TIAM1: variants seen among roughly 807,000 people sequenced by gnomAD.
The protein encoded by TIAM1 is TIAM Rac1 associated GEF 1.
In TIAM1, 65 loss-of-function variants were observed where a neutral mutation model predicts 163.5. The ratio of observed to expected loss-of-function variants is 0.40; its 90% CI spans 0.33 to 0.49. The LOEUF (loss-of-function observed/expected upper bound fraction) is 0.49, where lower values mean the gene tolerates loss of function less well. Among genes scored for constraint, TIAM1 ranks in the 20% least tolerant of loss-of-function variants. The probability of loss-of-function intolerance (pLI) is 0.77; values close to 1 mark genes in which losing one functional copy is unlikely to be tolerated. For synonymous variants in TIAM1, 833 were observed against 810.1 expected (o/e 1.03, Z -0.48); for missense variants, 1,789 against 2,044.7 (o/e 0.87, Z 2.41).
intron 6 of TIAM1, among the ~76,000 whole-genome samples, chr21:31,243,771 A>G (rs369678526): frequency 2.6e-4 from 39 of 152,382 alleles, no homozygotes; most frequent in African/African-American, 9.1e-4. Context: ...GGAGCCTCAT[A>G]GGATAAACAG....
At chr21:31,428,748 T>C (rs768137160) in intron 2 of TIAM1, among the ~76,000 whole-genome samples, 1 of 151,768 alleles carries the variant, frequency 6.6e-6, no homozygotes, top group Non-Finnish European at 1.5e-5. Context: ...CCAGGCATAA[T>C]GGCACATGCC....
intron 1 of TIAM1, among the ~76,000 whole-genome samples, chr21:31,548,171 G>A (rs957337433): frequency 1.7e-5 from 2 of 120,648 alleles, no homozygotes; most frequent in Admixed American, 1.1e-4. Context: ...AGAGAGTCCC[G>A]CTGTGTCACC....
chr21:31,232,861 G>C lies in TIAM1; in HGVS notation c.1585-6911C>G, dbSNP rs2088517683. Among the ~76,000 whole-genome samples the C allele has an allele frequency of 2.6e-5, 4 of 151,940 alleles. No homozygotes were observed. The South Asian group carries it at 8.3e-4, about 31-fold the overall frequency. On this transcript the variant is annotated intron_variant, in intron 6 of 27. Coordinates refer to ENST00000541036, the MANE Select transcript of TIAM1 (RefSeq NM_001353694.2). ...ACAAACAGCAGCAGACAGGTAAAGA[G>C]AGAGGGAATTCTGTGATTCTTCCTT...
chr21:31,324,174 G>C (rs369129407), intron 2 of TIAM1, among the ~76,000 whole-genome samples: 1 of 152,072 alleles, frequency 6.6e-6, no homozygotes, highest in Admixed American at 6.6e-5. Context: ...GACTGCGTGC[G>C]TGGAAAAGTT....
At chr21:31,332,759 G>C (rs1347597120) in intron 2 of TIAM1, among the ~76,000 whole-genome samples, 1 of 149,848 alleles carries the variant, frequency 6.7e-6, no homozygotes, top group Non-Finnish European at 1.5e-5. Flanking sequence ...TTCACACTAT[G>C]TATGTGATCA....
intron 2 of TIAM1, among the ~76,000 whole-genome samples, chr21:31,428,464 C>A (rs2043878566): frequency 6.6e-6 from 1 of 152,100 alleles, no homozygotes; most frequent in Non-Finnish European, 1.5e-5. Context: ...GCGATTCTCT[C>A]GAGGTTCAAA....
rs1357726080 is a variant in TIAM1, at chr21:31,138,842, G to A, written c.3774+2276C>T. Among the ~76,000 whole-genome samples, 6 of 152,264 alleles carry A rather than the reference G, an allele frequency of 3.9e-5. No individual in the cohort carries two copies. In the East Asian group the frequency reaches 7.7e-4, roughly 20 times the overall value. On this transcript the variant is annotated intron_variant, in intron 22 of 27. Coordinates refer to ENST00000541036, the MANE Select transcript of TIAM1 (RefSeq NM_001353694.2). ...CCCACTGGGGGTCTATTTCCTGCTC[G>A]TTTGTCTTATCCTTCCACAACAATA...
intron 2 of TIAM1, among the ~76,000 whole-genome samples, chr21:31,302,564 T>C (rs577186559): frequency 1.3e-5 from 2 of 152,188 alleles, no homozygotes; most frequent in Non-Finnish European, 2.9e-5. Flanking sequence ...AAGAAGACAT[T>C]TCTTCCACTT....
intron 2 of TIAM1, among the ~76,000 whole-genome samples, chr21:31,429,563 T>C (rs1267296029): frequency 1.3e-5 from 2 of 152,114 alleles, no homozygotes; most frequent in African/African-American, 2.4e-5. Context: ...TTTCCCAGAA[T>C]TCCCTCTCCT....
intron 3 of TIAM1, among the ~76,000 whole-genome samples, chr21:31,268,509 T>C (rs905927545): frequency 6.6e-6 from 1 of 152,240 alleles, no homozygotes; most frequent in Admixed American, 6.5e-5. Flanking sequence ...AAACCCTCCA[T>C]TGAATGTTCC....
intron 2 of TIAM1, among the ~76,000 whole-genome samples, chr21:31,388,675 A>T (rs1485152864): frequency 5.3e-5 from 8 of 151,786 alleles, no homozygotes; most frequent in Non-Finnish European, 1.2e-4. Flanking sequence ...ATAAAAAAAA[A>T]AACAGAGAAA....
intron 2 of TIAM1, among the ~76,000 whole-genome samples, chr21:31,377,183 CTTTTT>C (rs10585362): frequency 5.0e-5 from 7 of 140,414 alleles, no homozygotes; most frequent in Non-Finnish European, 7.7e-5. Flanking sequence ...CTGGCTGAAA[CTTTTT>C]TTTTTTTTTT....
At chr21:31,451,173 C>T (rs1310854150) in intron 2 of TIAM1, among the ~76,000 whole-genome samples, 2 of 152,136 alleles carry the variant, frequency 1.3e-5, no homozygotes. Flanking sequence ...GGCTCCGAGG[C>T]CAGCATAAAT....
rs1370111842 is a variant in TIAM1, at chr21:31,225,795, C to T, written c.1740G>A (p.Met580Ile). The T allele has an allele frequency of 6.2e-7, 1 of 1,614,088 alleles. No homozygotes were observed. Among genetic ancestry groups the T allele is most frequent in the Non-Finnish European group, 8.5e-7 (1 of 1,180,034 alleles). Reference protein sequence around the residue: ...LEQKIDMDEKMKKMGEMQLSS... With the variant: ...LEQKIDMDEKIKKMGEMQLSS... ...ACAGCTGCATTTCACCCATTTTCTT[C>T]ATCTTTTCATCCATGTCAATCTTCT... is the stretch of plus-strand genomic sequence containing the variant. The change falls in exon 7 of 28, where the codon ATG becomes ATA. Residue 580 changes from methionine (M) to isoleucine (I), a missense_variant. By Grantham distance (10) the Met-to-Ile change is conservative (BLOSUM62 1). Coordinates refer to ENST00000541036, the MANE Select transcript of TIAM1 (RefSeq NM_001353694.2).
intron 8 of TIAM1, among the ~76,000 whole-genome samples, chr21:31,221,455 A>G (rs1307724976): frequency 6.6e-6 from 1 of 152,226 alleles, no homozygotes; most frequent in East Asian, 1.9e-4. Flanking sequence ...TCAGCTGGCC[A>G]AATTTTAATA....
At chr21:31,370,890 G>A (rs957964680) in intron 2 of TIAM1, among the ~76,000 whole-genome samples, 5 of 152,134 alleles carry the variant, frequency 3.3e-5, no homozygotes, top group East Asian at 1.9e-4. Context: ...AACAAGCCCC[G>A]GTATGCAGCC....
chr21:31,324,792 G>A (rs1356473553), intron 2 of TIAM1, among the ~76,000 whole-genome samples: 1 of 152,156 alleles, frequency 6.6e-6, no homozygotes, highest in African/African-American at 2.4e-5. Flanking sequence ...GCTTGATTTG[G>A]TTTCCAAACA....
intron 14 of TIAM1, among the ~76,000 whole-genome samples, chr21:31,184,732 T>C (rs2085198792): frequency 6.6e-6 from 1 of 152,156 alleles, no homozygotes; most frequent in Admixed American, 6.5e-5. Flanking sequence ...TCTCTGCTCT[T>C]AGCTGAGATA....
chr21:31,191,607 A>G (rs2085565654), intron 13 of TIAM1, among the ~76,000 whole-genome samples: 1 of 152,200 alleles, frequency 6.6e-6, no homozygotes, highest in African/African-American at 2.4e-5. Flanking sequence ...GTATTTCACA[A>G]AAGCAGCAGT....
Sources: gnomAD v4.1 joint callset for allele counts (sites outside exome capture counted in the v4.1 genomes callset) on GRCh38, gnomAD v4.1.1 for gene constraint, MANE v1.5 for transcripts, NCBI Gene and HGNC (gene_info 2026-07-23, HGNC 2026-07-21) for gene names.